KIAA1217: variants seen among roughly 807,000 people sequenced by gnomAD.
The protein encoded by KIAA1217 is KIAA1217, also known as sickle tail protein homolog.
In KIAA1217, 88 loss-of-function variants were observed where a neutral mutation model predicts 163.9. The ratio of observed to expected loss-of-function variants is 0.54; its 90% CI spans 0.45 to 0.64. The LOEUF (loss-of-function observed/expected upper bound fraction) is 0.64. Ranked by LOEUF, KIAA1217 falls within the 30% of genes least tolerant of loss-of-function variation. KIAA1217 has a pLI of 0.00. For synonymous variants in KIAA1217, 903 were observed against 923.1 expected, an observed-to-expected ratio of 0.98 and a Z score of 0.39; for missense variants, 2,372 against 2,475.0, an observed-to-expected ratio of 0.96 and a Z score of 0.88.
Position 24,528,005 on chromosome 10 carries a change from C to A in KIAA1217, c.2968C>A (p.Leu990Ile). The change falls in exon 14 of 21, where the codon CTC (leucine) becomes ATC (isoleucine). Residue 990 changes from leucine (L) to isoleucine (I), a missense_variant. Transcript: ENST00000376454. ...DHYNGKEFEKLLEEAQANIMK... is the reference protein window; with the variant it reads ...DHYNGKEFEKILEEAQANIMK... Reference sequence around the variant, plus strand: ...CTATAATGGGAAAGAGTTTGAGAAGCTCCTAGAAGAAGCTCAGGCCAATAT... The same window carrying A: ...CTATAATGGGAAAGAGTTTGAGAAGATCCTAGAAGAAGCTCAGGCCAATAT... 2 of 1,614,106 alleles carry A rather than the reference C, an allele frequency of 1.2e-6. No homozygotes were observed. The highest frequency in any genetic ancestry group is 1.7e-6 in the Non-Finnish European group (2 of 1,179,982).
At position 24,521,862 on chromosome 10, in the gene KIAA1217, C is replaced by G; in HGVS notation, c.2389C>G (p.Pro797Ala). The G allele has an allele frequency of 1.2e-6, 2 of 1,613,858 alleles. No homozygotes were observed. The highest frequency in any genetic ancestry group is 1.7e-6 in the Non-Finnish European group (2 of 1,180,020). ...VEAVRFLKEE[P>A]HKLDSLLKRV... ...GGCCGTGCGGTTTCTGAAGGAGGAG[C>G]CACACAAGCTGGACAGTCTCCTGAA... Residue 797 changes from proline (P) to alanine (A), a missense_variant, in exon 12 of 21, where the codon CCA becomes GCA. Pro to Ala is a conservative substitution (Grantham distance 27, BLOSUM62 -1). Transcript: ENST00000376454.
At chr10:24,052,780 T>C (rs973582562) in intron 2 of KIAA1217, among the ~76,000 whole-genome samples, 2 of 152,184 alleles carry the variant, frequency 1.3e-5, no homozygotes, top group Non-Finnish European at 2.9e-5. Context: ...CATTTTCTTA[T>C]ATTGTTATAT....
chr10:24,495,557 C>A (rs1262063353), intron 8 of KIAA1217, among the ~76,000 whole-genome samples: 2 of 152,202 alleles, frequency 1.3e-5, no homozygotes, highest in African/African-American at 2.4e-5. Flanking sequence ...ATAAATGTTT[C>A]ACCAATAGGA....
chr10:24,295,392 C>G (rs2040468697), intron 2 of KIAA1217, among the ~76,000 whole-genome samples: 1 of 152,100 alleles, frequency 6.6e-6, no homozygotes, highest in Admixed American at 6.6e-5. Flanking sequence ...ATAAATAGTT[C>G]AGCATTTTCG....
rs373019987 is a variant in KIAA1217 at position 23,859,919 on chromosome 10, T to G, written c.-320-147306T>G. Among the ~76,000 whole-genome samples the G allele has an allele frequency of 6.6e-5, 10 of 152,210 alleles. No individual in the cohort carries two copies. The East Asian group carries it at 1.5e-3, about 24-fold the overall frequency. ...GAGTCACAGACCTGTAAGACTTGCC[T>G]TTTGGTATTAGAATATCATGTAGAC... is the stretch of plus-strand genomic sequence containing the variant. On this transcript the variant is annotated intron_variant, in intron 1 of 18. Coordinates refer to the KIAA1217 transcript ENST00000376462.
intron 2 of KIAA1217, among the ~76,000 whole-genome samples, chr10:24,068,867 G>A (rs1182949726): frequency 6.6e-6 from 1 of 152,194 alleles, no homozygotes; most frequent in Non-Finnish European, 1.5e-5. Flanking sequence ...GCTGTGCTAG[G>A]AGAAGGAGCT....
chr10:24,487,152 C>T (rs1023782422), intron 6 of KIAA1217, among the ~76,000 whole-genome samples: 1 of 152,208 alleles, frequency 6.6e-6, no homozygotes, highest in Non-Finnish European at 1.5e-5. Context: ...ATAAATTCTG[C>T]CATTCTTTTC....
At chr10:23,969,601 G>A (rs944211595) in intron 1 of KIAA1217, among the ~76,000 whole-genome samples, 1 of 152,080 alleles carries the variant, frequency 6.6e-6, no homozygotes, top group Non-Finnish European at 1.5e-5. Flanking sequence ...CGTCTATTCA[G>A]ATCTTTTGCT....
At chr10:24,343,124 G>A (rs1591146242) in intron 2 of KIAA1217, among the ~76,000 whole-genome samples, 1 of 151,900 alleles carries the variant, frequency 6.6e-6, no homozygotes, top group Non-Finnish European at 1.5e-5. Context: ...AAGCTGCACT[G>A]GATGGTCTGT....
At chr10:24,417,606 C>T (rs1334818052) in intron 3 of KIAA1217, among the ~76,000 whole-genome samples, 5 of 152,070 alleles carry the variant, frequency 3.3e-5, no homozygotes, top group African/African-American at 1.2e-4. Context: ...AGGGAACCCC[C>T]GTGGACGGCT....
At chr10:23,828,652 C>G (rs1054470799) in intron 1 of KIAA1217, among the ~76,000 whole-genome samples, 1 of 152,172 alleles carries the variant, frequency 6.6e-6, no homozygotes, top group African/African-American at 2.4e-5. Flanking sequence ...CTCCAATGCT[C>G]TGAGCTTTAC....
chr10:23,791,104 A>G (rs1229052076), intron 1 of KIAA1217, among the ~76,000 whole-genome samples: 1 of 151,996 alleles, frequency 6.6e-6, no homozygotes, highest in Non-Finnish European at 1.5e-5. Flanking sequence ...GGGAAAAAAG[A>G]CTCTTTTGAC....
intron 14 of KIAA1217, among the ~76,000 whole-genome samples, chr10:24,529,257 G>A (rs1444929054): frequency 6.6e-6 from 1 of 152,042 alleles, no homozygotes; most frequent in African/African-American, 2.4e-5. Flanking sequence ...CCAGTTCCTG[G>A]TATAAAATGG....
intron 2 of KIAA1217, among the ~76,000 whole-genome samples, chr10:24,030,288 G>A (rs776046225): frequency 5.9e-5 from 9 of 152,048 alleles, no homozygotes; most frequent in Non-Finnish European, 1.0e-4. Context: ...AAGTGTCGAG[G>A]GAGGGTCTTG....
chr10:24,316,550 T>A (rs541163037), intron 2 of KIAA1217, among the ~76,000 whole-genome samples: 1 of 152,274 alleles, frequency 6.6e-6, no homozygotes, highest in Admixed American at 6.5e-5. Context: ...CCACCCCTAG[T>A]GGACTCGATC....
intron 2 of KIAA1217, among the ~76,000 whole-genome samples, chr10:24,306,846 T>TG (rs1215686225): frequency 6.6e-6 from 1 of 152,262 alleles, no homozygotes; most frequent in Non-Finnish European, 1.5e-5. Flanking sequence ...ACTGTCTTAG[T>TG]ATCTGCTCCT....
At chr10:24,164,269 C>T (rs1391128538) in intron 2 of KIAA1217, among the ~76,000 whole-genome samples, 1 of 152,172 alleles carries the variant, frequency 6.6e-6, no homozygotes, top group African/African-American at 2.4e-5. Flanking sequence ...ACTTGCCCTG[C>T]CTGGGAATCA....
chr10:24,290,495 T>C (rs2078981238), intron 2 of KIAA1217, among the ~76,000 whole-genome samples: 1 of 152,098 alleles, frequency 6.6e-6, no homozygotes, highest in Middle Eastern at 3.4e-3. Flanking sequence ...TCAGGTGAGG[T>C]TGTATGAGTG....
intron 3 of KIAA1217, among the ~76,000 whole-genome samples, chr10:24,389,277 C>A (rs1404624005): frequency 2.0e-5 from 3 of 152,106 alleles, no homozygotes; most frequent in Non-Finnish European, 4.4e-5. Flanking sequence ...TGGAAACCAT[C>A]ATTCTCAGCA....
Sources: allele counts gnomAD v4.1 joint callset (sites outside exome capture counted in the v4.1 genomes callset), GRCh38; gene constraint gnomAD v4.1.1; transcripts MANE v1.5; gene names NCBI Gene and HGNC (gene_info 2026-07-23, HGNC 2026-07-21).